CACTIN: variants seen among roughly 807,000 people sequenced by gnomAD.
CACTIN encodes the protein cactin, spliceosome C complex subunit, also known as splicing factor Cactin.
CACTIN carries 20 observed loss-of-function variants against 84.9 expected under a neutral mutation model. That is an observed-to-expected ratio of 0.24 (90% CI 0.17 to 0.34). The LOEUF (loss-of-function observed/expected upper bound fraction) is 0.34. CACTIN is among the 10% of genes least tolerant of loss of function. CACTIN has a pLI of 1.00. For missense variants in CACTIN, 897 were observed against 1,117.2 expected (o/e 0.80, Z 2.81); for synonymous variants, 549 against 467.9 (o/e 1.17, Z -2.24).
At position 3,611,345 on chromosome 19, in the gene CACTIN, G is replaced by A. The variant is rs925110673; in HGVS notation, c.*578C>T. On this transcript the variant is annotated 3_prime_UTR_variant, in exon 10 of 10. Coordinates refer to ENST00000429344, the MANE Select transcript of CACTIN (RefSeq NM_001080543.2). ...GCAGTGGCGGATCGGGCGCCAGCAG[G>A]GTCCCGGCCTCAGTGCTGCCTGTGC... 6 of 453,378 alleles carry A rather than the reference G, an allele frequency of 1.3e-5. No individual in the cohort carries two copies. Among genetic ancestry groups the A allele is most frequent in the Non-Finnish European group, 2.6e-5 (6 of 226,430 alleles). 28.1% of individuals were successfully genotyped at this position (453,378 alleles called of 1,614,324 possible).
intron 2 of CACTIN, 28 bp downstream of exon 2, chr19:3,623,660 A>G (rs1295655287): frequency 6.4e-7 from 1 of 1,558,186 alleles, no homozygotes; most frequent in Admixed American, 1.9e-5. Context: ...TGCTACAGGG[A>G]CAGAGGCCAC....
Position 3,611,148 on chromosome 19 carries a change from A to G in CACTIN, c.*775T>C, listed in dbSNP as rs2074786. 197,213 of 385,302 alleles carry G rather than the reference A, an allele frequency of 0.51. 52,240 individuals are homozygous for G. Among genetic ancestry groups the G allele is most frequent in the Admixed American group, 0.61 (19,034 of 31,430 alleles). The allele number at this position is 385,302 out of a possible 1,614,324, so 23.9% of individuals were successfully genotyped here. A position where few individuals can be genotyped will look rare whatever the true frequency, so the allele number is the denominator to read the frequency against. ...CCCCTGCCCTCCAGGCCCTGTGCTC[A>G]GAGGTGGGGGGAGGACGGCTCAGTG... is the stretch of plus-strand genomic sequence containing the variant. On this transcript the variant is annotated 3_prime_UTR_variant, in exon 10 of 10. Transcript: ENST00000429344.
intron 6 of CACTIN, among the ~76,000 whole-genome samples, chr19:3,617,003 C>A (rs2033118650): frequency 6.6e-6 from 1 of 152,168 alleles, no homozygotes; most frequent in African/African-American, 2.4e-5. Flanking sequence ...CGTCTGTAAT[C>A]CCAGCTACTT....
intron 3 of CACTIN, 47 bp downstream of exon 3, chr19:3,620,660 G>T: frequency 1.3e-6 from 2 of 1,493,456 alleles, no homozygotes; most frequent in East Asian, 4.5e-5. Context: ...GGGCCTCCAG[G>T]CCCTGGAAAG....
At chr19:3,621,583 G>A (rs898149521) in intron 2 of CACTIN, among the ~76,000 whole-genome samples, 1 of 152,208 alleles carries the variant, frequency 6.6e-6, no homozygotes, top group African/African-American at 2.4e-5. Context: ...TTCCACAGGC[G>A]TCAACGATGA....
chr19:3,614,676 G>A, intron 6 of CACTIN, 87 bp from the exon 7 acceptor site: 1 of 1,096,660 alleles, frequency 9.1e-7, no homozygotes, highest in Non-Finnish European at 1.3e-6. Flanking sequence ...CTGCCATGGG[G>A]GGGTCCCCCT....
chr19:3,621,284 G>A (rs2033219360), intron 2 of CACTIN, among the ~76,000 whole-genome samples: 1 of 152,230 alleles, frequency 6.6e-6, no homozygotes, highest in Admixed American at 6.5e-5. Context: ...AAACCTGTGG[G>A]GTCATGGGGC....
intron 2 of CACTIN, 31 bp from the exon 3 acceptor site, chr19:3,620,833 A>G: frequency 6.4e-7 from 1 of 1,574,300 alleles, no homozygotes; most frequent in Non-Finnish European, 8.7e-7. Flanking sequence ...TGCCCTGAGC[A>G]CAGACCCGCC....
chr19:3,626,630 G>T lies in CACTIN; in HGVS notation c.133C>A (p.Arg45=). The part of the protein sequence containing the change: ...RNRRRREDEG[R]RRRRRRSRER... The stretch of plus-strand genomic sequence containing the variant: ...CGGCTCCGCCGCCTCCGTCTGCGCC[G>T]TCCCTCGTCCTCCCGGCGCCGTCGG... The change falls in exon 1 of 10, where the codon CGG becomes AGG. Residue 45 remains arginine, a synonymous_variant. Transcript: ENST00000429344. 6.5e-7 allele frequency: 1 copy of T among 1,532,306 alleles called. No individual in the cohort carries two copies. 94.9% of individuals were successfully genotyped at this position (1,532,306 alleles called of 1,614,324 possible). A position where few individuals can be genotyped will look rare whatever the true frequency, so the allele number is the denominator to read the frequency against.
At chr19:3,612,931 C>A in intron 9 of CACTIN, 127 bp downstream of exon 9, 1 of 1,168,524 alleles carries the variant, frequency 8.6e-7, no homozygotes, top group Non-Finnish European at 1.2e-6. Flanking sequence ...GCTCAGAGAC[C>A]CGGGGGAGAA....
Position 3,626,748 on chromosome 19 carries a change from T to A in CACTIN, c.15A>T (p.Thr5=). Residue 5 remains threonine (T), a synonymous_variant, in exon 1 of 10, where the codon ACA becomes ACT. Transcript: ENST00000429344. The part of the protein sequence containing the change: MGRD[T]RSRSRSAGRR... ...GACCCGCGGACCGCGAGCGCGAGCGTGTGTCCCGACCCATCGGCTGGGCCA... is the reference window on the plus strand; with the variant it reads ...GACCCGCGGACCGCGAGCGCGAGCGAGTGTCCCGACCCATCGGCTGGGCCA... 2 of 1,485,978 alleles carry A rather than the reference T, an allele frequency of 1.3e-6. No individual in the cohort carries two copies. The highest frequency in any genetic ancestry group is 1.8e-6 in the Non-Finnish European group (2 of 1,124,770). The allele number at this position is 1,485,978 out of a possible 1,614,324, so 92.0% of individuals were successfully genotyped here.
intron 2 of CACTIN, 33 bp downstream of exon 2, chr19:3,623,655 C>T: frequency 6.5e-7 from 1 of 1,546,688 alleles, no homozygotes; most frequent in Non-Finnish European, 8.8e-7. Context: ...GGAAATGCTA[C>T]AGGGACAGAG....
In CACTIN at chr19:3,610,742, T is replaced by C. The variant is rs755033099; in HGVS notation, c.*1181A>G. 56 of 457,076 alleles carry C rather than the reference T, an allele frequency of 1.2e-4. No homozygotes were observed. Among genetic ancestry groups the C allele is most frequent in the African/African-American group, 1.1e-3 (53 of 50,202 alleles). 28.3% of individuals were successfully genotyped at this position (457,076 alleles called of 1,614,324 possible). On this transcript the variant is annotated 3_prime_UTR_variant, in exon 10 of 10. Coordinates refer to ENST00000429344, the MANE Select transcript of CACTIN (RefSeq NM_001080543.2). ...ATTTTTTTTCCCACCTACAAGTCTTTTTAGAGAAACAAACGGAACTATTTC... is the reference window on the plus strand; with the variant it reads ...ATTTTTTTTCCCACCTACAAGTCTTCTTAGAGAAACAAACGGAACTATTTC...
chr19:3,624,930 T>G (rs1377391434), intron 1 of CACTIN, among the ~76,000 whole-genome samples: 1 of 151,400 alleles, frequency 6.6e-6, no homozygotes, highest in African/African-American at 2.5e-5. Flanking sequence ...AGAGTCTCCC[T>G]CTGTCACACA....
At chr19:3,618,828 G>T (rs1264162716) in intron 6 of CACTIN, 47 bp downstream of exon 6, 8 of 1,416,870 alleles carry the variant, frequency 5.6e-6, no homozygotes, top group Non-Finnish European at 7.7e-6. Flanking sequence ...GGTGAACACT[G>T]TAGCCCCCGC....
chr19:3,619,806 C>T (rs1272066376), intron 4 of CACTIN, among the ~76,000 whole-genome samples: 2 of 152,160 alleles, frequency 1.3e-5, no homozygotes, highest in Non-Finnish European at 2.9e-5. Flanking sequence ...ACCCCGGAGC[C>T]TCAGCTTGTC....
At chr19:3,625,746 A>G (rs1252868717) in intron 1 of CACTIN, among the ~76,000 whole-genome samples, 6 of 152,170 alleles carry the variant, frequency 3.9e-5, no homozygotes, top group Non-Finnish European at 8.8e-5. Flanking sequence ...CAAACAAAAA[A>G]ACCAACAACC....
intron 2 of CACTIN, among the ~76,000 whole-genome samples, chr19:3,621,926 C>T (rs1270952883): frequency 6.6e-6 from 1 of 152,164 alleles, no homozygotes; most frequent in African/African-American, 2.4e-5. Context: ...CTCCCAACTG[C>T]GCAACCGGCG....
At position 3,611,067 on chromosome 19, in the gene CACTIN, G is replaced by A. The variant is rs746673691; in HGVS notation, c.*856C>T. ...CCAAGGCCCCGTGAGCAGGCCAGGT[G>A]GGGGGATCCCTGGGGGAAGCCCCTC... On this transcript the variant is annotated 3_prime_UTR_variant, in exon 10 of 10. Coordinates refer to ENST00000429344, the MANE Select transcript of CACTIN (RefSeq NM_001080543.2). 44 of 408,026 alleles carry A rather than the reference G, an allele frequency of 1.1e-4. No individual in the cohort carries two copies. Among genetic ancestry groups the A allele is most frequent in the South Asian group, 4.2e-4 (24 of 56,736 alleles). The allele number at this position is 408,026 out of a possible 1,614,324, so 25.3% of individuals were successfully genotyped here.
Sources: gnomAD v4.1 joint callset for allele counts (sites outside exome capture counted in the v4.1 genomes callset) on GRCh38, gnomAD v4.1.1 for gene constraint, MANE v1.5 for transcripts, NCBI Gene and HGNC (gene_info 2026-07-23, HGNC 2026-07-21) for gene names.